The following LRMDA variants were observed in gnomAD, a reference collection of about 807,000 sequenced individuals.
LRMDA encodes the protein leucine rich melanocyte differentiation associated, also known as leucine-rich melanocyte differentiation-associated protein.
Under a neutral mutation model 29.8 loss-of-function variants are expected in LRMDA, and 18 were observed. The observed-to-expected ratio is 0.60, with a 90% CI of 0.42 to 0.90. LRMDA has a LOEUF of 0.90. LRMDA is among the 40% of genes least tolerant of loss of function. The pLI is 0.00. For missense variants in LRMDA, 273 were observed against 273.9 expected (o/e 1.00, Z 0.02); for synonymous variants, 125 against 109.4 (o/e 1.14, Z -0.89).
At chr10:75,481,350 TAA>T (rs1256453729) in intron 2 of LRMDA, among the ~76,000 whole-genome samples, 1 of 152,032 alleles carries the variant, frequency 6.6e-6, no homozygotes, top group Non-Finnish European at 1.5e-5. Flanking sequence ...AAGAGCAATT[TAA>T]AGAGGAGGAA....
At chr10:76,454,522 T>A (rs1213236135) in intron 6 of LRMDA, among the ~76,000 whole-genome samples, 2 of 152,138 alleles carry the variant, frequency 1.3e-5, no homozygotes, top group African/African-American at 2.4e-5. Flanking sequence ...AAAACCCACA[T>A]GTTCCTTTAA....
chr10:75,456,412 C>G (rs1316430991), intron 2 of LRMDA, among the ~76,000 whole-genome samples: 4 of 152,232 alleles, frequency 2.6e-5, no homozygotes, highest in Non-Finnish European at 4.4e-5. Context: ...TTTATTTTCA[C>G]TCTTTCATGC....
intron 6 of LRMDA, among the ~76,000 whole-genome samples, chr10:76,485,170 G>A (rs1842769596): frequency 6.6e-6 from 1 of 151,758 alleles, no homozygotes. Flanking sequence ...CATCTACCAT[G>A]TTTGTAACTT....
chr10:76,242,688 C>T (rs1852298640), intron 5 of LRMDA, among the ~76,000 whole-genome samples: 1 of 152,208 alleles, frequency 6.6e-6, no homozygotes, highest in Non-Finnish European at 1.5e-5. Context: ...TAACTCATTA[C>T]ATCTGCAATG....
chr10:76,399,540 A>G (rs1251338690), intron 6 of LRMDA, among the ~76,000 whole-genome samples: 2 of 152,212 alleles, frequency 1.3e-5, no homozygotes, highest in Non-Finnish European at 2.9e-5. Context: ...ATGTCTCTCA[A>G]ATATAGATTT....
rs763472626 is a variant in LRMDA, at chr10:76,463,917, AT to A, written c.602-93275del. Among the ~76,000 whole-genome samples the A allele has an allele frequency of 2.9e-3, 332 of 112,866 alleles. 5 individuals carry two copies. Among genetic ancestry groups the A allele is most frequent in the Admixed American group, 0.018 (175 of 9,654 alleles). 74.0% of individuals were successfully genotyped at this position (112,866 alleles called of 152,430 possible). A position where few individuals can be genotyped will look rare whatever the true frequency, so the allele number is the denominator to read the frequency against. ...CTGGCACACAGTAGGTGCAAAATAA[AT>A]TTTTTTTTTTTTTTTTGTGAGATGG... is the stretch of plus-strand genomic sequence containing the variant. On this transcript the variant is annotated intron_variant, in intron 6 of 6. Transcript: ENST00000611255.
chr10:75,635,534 G>T (rs1280058603), intron 2 of LRMDA, among the ~76,000 whole-genome samples: 2 of 152,072 alleles, frequency 1.3e-5, no homozygotes, highest in Non-Finnish European at 2.9e-5. Flanking sequence ...CATGTACCAG[G>T]AGGCCTAATT....
At chr10:76,417,186 A>G (rs1489024716) in intron 6 of LRMDA, among the ~76,000 whole-genome samples, 1 of 152,186 alleles carries the variant, frequency 6.6e-6, no homozygotes, top group Non-Finnish European at 1.5e-5. Flanking sequence ...CTGTTGATAT[A>G]TATTTTTAAA....
chr10:76,157,916 G>A (rs1481976787), intron 5 of LRMDA, among the ~76,000 whole-genome samples: 1 of 152,078 alleles, frequency 6.6e-6, no homozygotes, highest in Non-Finnish European at 1.5e-5. Context: ...AACCTGTACA[G>A]CATGTTCCTG....
At chr10:76,134,803 T>C (rs1186224251) in intron 5 of LRMDA, among the ~76,000 whole-genome samples, 1 of 152,130 alleles carries the variant, frequency 6.6e-6, no homozygotes, top group African/African-American at 2.4e-5. Flanking sequence ...ATTTGATACA[T>C]TACTTACAAA....
chr10:75,636,681 A>G (rs996088860), intron 2 of LRMDA, among the ~76,000 whole-genome samples: 2 of 152,222 alleles, frequency 1.3e-5, no homozygotes. Flanking sequence ...ATAAAAATCC[A>G]GTAAAGGCCA....
intron 6 of LRMDA, among the ~76,000 whole-genome samples, chr10:76,368,481 A>G (rs1388625430): frequency 6.6e-6 from 1 of 152,080 alleles, no homozygotes; most frequent in Non-Finnish European, 1.5e-5. Flanking sequence ...ATATAATTTC[A>G]ATTTTCTTAA....
intron 2 of LRMDA, among the ~76,000 whole-genome samples, chr10:75,608,937 C>T (rs777434385): frequency 6.6e-6 from 1 of 152,178 alleles, no homozygotes; most frequent in Non-Finnish European, 1.5e-5. Flanking sequence ...AACTTCAACA[C>T]GACCAACAGT....
intron 2 of LRMDA, among the ~76,000 whole-genome samples, chr10:75,581,086 A>T (rs972845068): frequency 2.0e-5 from 3 of 152,222 alleles, no homozygotes; most frequent in Non-Finnish European, 4.4e-5. Context: ...AATTAAACTA[A>T]AGAGCATCTG....
chr10:76,078,244 C>T (rs1848992852), intron 5 of LRMDA, among the ~76,000 whole-genome samples: 1 of 151,572 alleles, frequency 6.6e-6, no homozygotes, highest in African/African-American at 2.4e-5. Context: ...CTCCTGACCT[C>T]GTGATCTGCC....
chr10:76,545,638 T>TTTATTATTATTATTATTATTA (rs143193002), intron 6 of LRMDA, among the ~76,000 whole-genome samples: 1 of 143,776 alleles, frequency 7.0e-6, no homozygotes, highest in African/African-American at 2.5e-5. Context: ...GGAACAACCT[T>TTTATTATTATTATTATTATTA]TTATTATTAT....
intron 6 of LRMDA, among the ~76,000 whole-genome samples, chr10:76,539,725 C>A (rs12414690): frequency 0.16 from 23,989 of 152,024 alleles, 2,040 homozygotes; most frequent in Admixed American, 0.2. Flanking sequence ...AGTCTCAGAG[C>A]ATTGTTTAAA....
intron 2 of LRMDA, among the ~76,000 whole-genome samples, chr10:75,765,540 C>G (rs1256108219): frequency 2.6e-5 from 4 of 151,978 alleles, no homozygotes; most frequent in Admixed American, 2.6e-4. Flanking sequence ...TTGTAAATTC[C>G]AAAAAATTGG....
At chr10:75,778,555 A>G (rs941905202) in intron 2 of LRMDA, among the ~76,000 whole-genome samples, 4 of 152,108 alleles carry the variant, frequency 2.6e-5, no homozygotes, top group Non-Finnish European at 4.4e-5. Context: ...ATCAATGAGG[A>G]TGGGGGAGGC....
Sources: allele counts gnomAD v4.1 joint callset (sites outside exome capture counted in the v4.1 genomes callset), GRCh38; gene constraint gnomAD v4.1.1; transcripts MANE v1.5; gene names NCBI Gene and HGNC (gene_info 2026-07-23, HGNC 2026-07-21).